FAM83F: variants seen among roughly 807,000 people sequenced by gnomAD.
The protein encoded by FAM83F is protein FAM83F.
A neutral mutation model predicts 42.9 loss-of-function variants in FAM83F; 45 were observed. That is an observed-to-expected ratio of 1.05 (90% CI 0.83 to 1.35). The LOEUF (loss-of-function observed/expected upper bound fraction) is 1.35, where lower values mean the gene tolerates loss of function less well. FAM83F is among the 40% of genes most tolerant of loss of function. The pLI is 0.00. For missense variants in FAM83F, 617 were observed against 695.9 expected (o/e 0.89, Z 1.28); for synonymous variants, 306 against 298.3 (o/e 1.03, Z -0.27).
intron 4 of FAM83F, among the ~76,000 whole-genome samples, chr22:40,027,455 C>A (rs1383509672): frequency 3.3e-5 from 5 of 152,200 alleles, no homozygotes; most frequent in African/African-American, 1.2e-4. Flanking sequence ...GCGGCCCCTC[C>A]TCCCACCCTG....
At position 40,021,714 on chromosome 22, in the gene FAM83F, AG is replaced by A; in HGVS notation, c.1206del (p.Met403TrpfsTer9). The A allele has an allele frequency of 1.2e-6, 2 of 1,613,090 alleles. No individual in the cohort carries two copies. The highest frequency in any genetic ancestry group is 1.7e-6 in the Non-Finnish European group (2 of 1,179,862). On this transcript the variant is annotated frameshift_variant, in exon 4 of 5. Transcript: ENST00000333407. LOFTEE classifies it high-confidence loss of function. The surrounding 1 kb of genome is among the most constrained non-coding windows in gnomAD (Gnocchi z 8.7). The part of the protein sequence containing the change: ...PLGELSQKDG[R>X]MVSHMHRDLK... ...GGGAGAGCTGAGCCAGAAGGATGGC[AG>A]GATGGTCTCTCACATGCACAGAGAC...
rs2067625661 is a variant in FAM83F at position 40,036,642 on chromosome 22, T to C, written c.*7077T>C. ...GGGGCTTCCCAAGCCAGGCCTGTAC[T>C]CCTCATGTAGATTCCACACCCCGCC... On this transcript the variant is annotated 3_prime_UTR_variant, in exon 5 of 5. Coordinates refer to ENST00000333407, the MANE Select transcript of FAM83F (RefSeq NM_138435.4). The C allele has an allele frequency of 1.3e-5, 2 of 152,400 alleles. No individual in the cohort carries two copies. Among genetic ancestry groups the C allele is most frequent in the South Asian group, 2.1e-4 (1 of 4,832 alleles). 9.4% of individuals were successfully genotyped at this position (152,400 alleles called of 1,614,324 possible).
intron 4 of FAM83F, among the ~76,000 whole-genome samples, chr22:40,027,264 T>C (rs1011367808): frequency 1.2e-4 from 19 of 152,300 alleles, no homozygotes; most frequent in African/African-American, 4.6e-4. Context: ...TGCGAAGCCC[T>C]GGAGCCTGTG....
intron 1 of FAM83F, among the ~76,000 whole-genome samples, chr22:40,016,890 C>A (rs940951233): frequency 1.3e-5 from 2 of 151,958 alleles, no homozygotes; most frequent in Non-Finnish European, 2.9e-5. Context: ...TTTCGAACTC[C>A]TGGCCTCAAG....
Position 39,995,146 on chromosome 22 carries a change from T to A in FAM83F, c.104T>A (p.Leu35Gln), listed in dbSNP as rs1374920984. ...TACTGCGAGCGGCGGCGGGCCGCGC[T>A]GGAGGCGCTGCTGGGCGGCGGCGAG... ...FYYCERRRAA[L>Q]EALLGGGEQA... Residue 35 changes from leucine to glutamine, a missense_variant, in exon 1 of 5, where the codon CTG becomes CAG. Physicochemically the swap from Leu to Gln is moderately radical, Grantham distance 113 (BLOSUM62 -2). Coordinates refer to ENST00000333407, the MANE Select transcript of FAM83F (RefSeq NM_138435.4). This position sits in a 1 kb window ranked among gnomAD's most constrained non-coding sequence, Gnocchi z 4.6. The A allele has an allele frequency of 1.5e-6, 2 of 1,379,216 alleles. No homozygotes were observed. 85.4% of individuals were successfully genotyped at this position (1,379,216 alleles called of 1,614,324 possible). A position where few individuals can be genotyped will look rare whatever the true frequency, so the allele number is the denominator to read the frequency against.
At position 39,995,448 on chromosome 22, in the gene FAM83F, A is replaced by G; in HGVS notation, c.406A>G (p.Thr136Ala). ...TTTCTACCGCGGCGTGAGCCGGGTC[A>G]CGCTCTTCACCCACCCGCCCAAGGA... is the stretch of plus-strand genomic sequence containing the variant. ...TGFYRGVSRV[T>A]LFTHPPKDEK... The change falls in exon 1 of 5, where the codon ACG (threonine) becomes GCG (alanine). Residue 136 changes from threonine (T) to alanine (A), a missense_variant. Coordinates refer to ENST00000333407, the MANE Select transcript of FAM83F (RefSeq NM_138435.4). This position sits in a 1 kb window ranked among gnomAD's most constrained non-coding sequence, Gnocchi z 4.6. 5.8e-6 allele frequency: 9 copies of G among 1,562,984 alleles called. No individual in the cohort carries two copies. The highest frequency in any genetic ancestry group is 7.8e-6 in the Non-Finnish European group (9 of 1,153,586).
chr22:40,016,043 G>A (rs538649067), intron 1 of FAM83F, among the ~76,000 whole-genome samples: 2 of 152,198 alleles, frequency 1.3e-5, no homozygotes, highest in East Asian at 1.9e-4. Flanking sequence ...ATGGCATCCC[G>A]GGACACACTT....
rs2067370595 is a variant in FAM83F, at chr22:39,995,601, C to A, written c.489+70C>A. The stretch of plus-strand genomic sequence containing the variant: ...AGTCCCCTGGACCGGGCCCCACCTC[C>A]CAGGCAGGGCCCGGGGCAGGCCGCC... On this transcript the variant is annotated intron_variant, in intron 1 of 4. Transcript: ENST00000333407. This position sits in a 1 kb window ranked among gnomAD's most constrained non-coding sequence, Gnocchi z 4.6. 6.9e-7 allele frequency: 1 copy of A among 1,453,882 alleles called. No individual in the cohort carries two copies. Among genetic ancestry groups the A allele is most frequent in the East Asian group, 2.5e-5 (1 of 39,964 alleles). 90.1% of individuals were successfully genotyped at this position (1,453,882 alleles called of 1,614,324 possible).
intron 1 of FAM83F, among the ~76,000 whole-genome samples, chr22:40,008,307 CCTT>C (rs2067446760): frequency 6.6e-6 from 1 of 152,232 alleles, no homozygotes; most frequent in Non-Finnish European, 1.5e-5. Flanking sequence ...TGGGCTGTCT[CCTT>C]CTTTCTCGCC....
intron 1 of FAM83F, among the ~76,000 whole-genome samples, chr22:40,017,176 C>T (rs138573780): frequency 0.029 from 4,357 of 150,430 alleles, 89 homozygotes; most frequent in Non-Finnish European, 0.041. Flanking sequence ...ACCCCCGTGA[C>T]GGAGGCTGAT....
chr22:40,036,453 T>C lies in FAM83F; in HGVS notation c.*6888T>C, dbSNP rs2067624501. On this transcript the variant is annotated 3_prime_UTR_variant, in exon 5 of 5. Transcript: ENST00000333407. ...TCATCCTTAGAGGGCTGCGGTCTTA[T>C]CTGGTTGTGCAAAAGTCCCACAACC... The C allele has an allele frequency of 6.6e-6, 1 of 152,246 alleles. No homozygotes were observed. The highest frequency in any genetic ancestry group is 1.9e-4 in the East Asian group (1 of 5,198). The allele number at this position is 152,246 out of a possible 1,614,324, so 9.4% of individuals were successfully genotyped here.
At chr22:40,018,030 G>A (rs1176443407) in intron 1 of FAM83F, among the ~76,000 whole-genome samples, 1 of 152,246 alleles carries the variant, frequency 6.6e-6, no homozygotes, top group Non-Finnish European at 1.5e-5. Context: ...TGTGTAGGAA[G>A]CTGGAAGTAG....
chr22:40,007,021 C>T (rs1234478049), intron 1 of FAM83F, among the ~76,000 whole-genome samples: 1 of 152,044 alleles, frequency 6.6e-6, no homozygotes, highest in Non-Finnish European at 1.5e-5. Flanking sequence ...CCTCATTTTA[C>T]AGGTGGAATT....
Position 39,995,324 on chromosome 22 carries a change from C to A in FAM83F, c.282C>A (p.Pro94=). 6.5e-7 allele frequency: 1 copy of A among 1,538,978 alleles called. No homozygotes were observed. The highest frequency in any genetic ancestry group is 8.7e-7 in the Non-Finnish European group (1 of 1,145,804). Residue 94 remains proline (P), a synonymous_variant, in exon 1 of 5, where the codon CCC becomes CCA. Coordinates refer to ENST00000333407, the MANE Select transcript of FAM83F (RefSeq NM_138435.4). This position sits in a 1 kb window ranked among gnomAD's most constrained non-coding sequence, Gnocchi z 4.6. ...AGAGCAAGGCCAAGGCCAAGGCCCC[C>A]GCGCCGGCGCCGGCTGAGTCCGGCG... is the stretch of plus-strand genomic sequence containing the variant. ...RGKSKAKAKA[P]APAPAESGES...
At position 40,029,598 on chromosome 22, in the gene FAM83F, T is replaced by C; in HGVS notation, c.*33T>C. On this transcript the variant is annotated 3_prime_UTR_variant, in exon 5 of 5. Coordinates refer to ENST00000333407, the MANE Select transcript of FAM83F (RefSeq NM_138435.4). ...GATGGTGGTGGGCAGGACGTGTGGA[T>C]GCCTGCCTGCCCTGCCCTGTGCTGT... The C allele has an allele frequency of 6.2e-7, 1 of 1,604,172 alleles. No homozygotes were observed. Among genetic ancestry groups the C allele is most frequent in the African/African-American group, 1.3e-5 (1 of 74,838 alleles).
chr22:40,008,088 T>C (rs936970340), intron 1 of FAM83F, among the ~76,000 whole-genome samples: 5 of 152,244 alleles, frequency 3.3e-5, no homozygotes, highest in Admixed American at 6.5e-5. Context: ...GTTCATCTTG[T>C]GGGTTCTTCC....
At chr22:40,005,760 G>A (rs546471758) in intron 1 of FAM83F, among the ~76,000 whole-genome samples, 6 of 152,330 alleles carry the variant, frequency 3.9e-5, no homozygotes, top group Admixed American at 6.5e-5. Context: ...GAGAGGAAGC[G>A]GCCTGGCTGG....
chr22:40,010,548 G>A (rs1330603415), intron 1 of FAM83F, among the ~76,000 whole-genome samples: 1 of 152,252 alleles, frequency 6.6e-6, no homozygotes, highest in Non-Finnish European at 1.5e-5. Flanking sequence ...TGTGGGGACT[G>A]CTGCCTCTCC....
chr22:40,018,504 T>C (rs563932425), intron 1 of FAM83F, among the ~76,000 whole-genome samples: 3 of 152,282 alleles, frequency 2.0e-5, no homozygotes, highest in Admixed American at 6.5e-5. Flanking sequence ...AATGGCACGA[T>C]CTCGGCTAAC....
Sources: allele counts gnomAD v4.1 joint callset (sites outside exome capture counted in the v4.1 genomes callset), GRCh38; gene constraint gnomAD v4.1.1; non-coding constraint Gnocchi (gnomAD v3.1); transcripts MANE v1.5; gene names NCBI Gene and HGNC (gene_info 2026-07-23, HGNC 2026-07-21).